DPH6: variants seen among roughly 807,000 people sequenced by gnomAD.
DPH6 encodes diphthine--ammonia ligase.
DPH6 carries 33 observed loss-of-function variants against 38.2 expected under a neutral mutation model. That is an observed-to-expected ratio of 0.86 (90% CI 0.65 to 1.15). DPH6 has a LOEUF of 1.15. Ranked by LOEUF, DPH6 falls within the 50% of genes most tolerant of loss-of-function variation. The probability of loss-of-function intolerance (pLI) is 0.00; values close to 1 mark genes in which losing one functional copy is unlikely to be tolerated. For missense variants in DPH6, 325 were observed against 320.0 expected, an observed-to-expected ratio of 1.02 and a Z score of -0.12; for synonymous variants, 108 against 103.0, an observed-to-expected ratio of 1.05 and a Z score of -0.30.
At chr15:35,209,063 G>A in the DPH6 span, among the ~76,000 whole-genome samples, 2 of 152,056 alleles carry the variant, frequency 1.3e-5, no homozygotes, top group East Asian at 1.9e-4. Flanking sequence ...TACTGTGCAC[G>A]TGGTCTTTTT....
intron 3 of DPH6, among the ~76,000 whole-genome samples, chr15:35,305,810 T>G (rs192132258): frequency 1.3e-5 from 2 of 152,338 alleles, no homozygotes; most frequent in Non-Finnish European, 2.9e-5. Context: ...AAAATTAGCA[T>G]GACATAAATA....
intron 3 of DPH6, among the ~76,000 whole-genome samples, chr15:35,465,619 T>C (rs1336777102): frequency 6.6e-6 from 1 of 152,210 alleles, no homozygotes; most frequent in African/African-American, 2.4e-5. Flanking sequence ...TTCAGGAATC[T>C]AATTAAAATA....
At chr15:35,241,973 T>G (rs1198707589) in intron 3 of DPH6, among the ~76,000 whole-genome samples, 1 of 144,086 alleles carries the variant, frequency 6.9e-6, no homozygotes, top group African/African-American at 2.5e-5. Context: ...CCATATACTC[T>G]CCTATCCTCA....
intron 3 of DPH6, among the ~76,000 whole-genome samples, chr15:35,473,343 T>C (rs1039753894): frequency 1.3e-5 from 2 of 152,138 alleles, no homozygotes; most frequent in Admixed American, 6.5e-5. Context: ...AGAGGCATCA[T>C]TATTAGGAAA....
chr15:35,387,040 A>G (rs2052971239), intron 6 of DPH6, among the ~76,000 whole-genome samples: 1 of 152,228 alleles, frequency 6.6e-6, no homozygotes, highest in Non-Finnish European at 1.5e-5. Context: ...GAAGGGATCC[A>G]GTTTCAGCTT....
chr15:35,287,475 T>A (rs1036106059), intron 3 of DPH6, among the ~76,000 whole-genome samples: 1 of 152,202 alleles, frequency 6.6e-6, no homozygotes, highest in Non-Finnish European at 1.5e-5. Context: ...GATCTACTTG[T>A]AATTGTAGGG....
chr15:35,344,175 A>G, intron 3 of DPH6, among the ~76,000 whole-genome samples: 1 of 152,030 alleles, frequency 6.6e-6, no homozygotes, highest in East Asian at 1.9e-4. Context: ...CTGATGATAA[A>G]GAGAAGCCAG....
At chr15:35,244,850 G>T (rs1018452960) in intron 3 of DPH6, among the ~76,000 whole-genome samples, 1 of 152,108 alleles carries the variant, frequency 6.6e-6, no homozygotes, top group African/African-American at 2.4e-5. Flanking sequence ...CTACGAGCTT[G>T]GTAAGTCAAT....
chr15:35,149,106 A>G, the DPH6 span, among the ~76,000 whole-genome samples: 18 of 152,228 alleles, frequency 1.2e-4, no homozygotes, highest in African/African-American at 4.3e-4. Flanking sequence ...CCTTCAGCCT[A>G]TAACTATCCT....
intron 7 of DPH6, 31 bp downstream of exon 7, chr15:35,381,790 GA>G (rs760536414): frequency 4.1e-5 from 64 of 1,572,364 alleles, no homozygotes; most frequent in Non-Finnish European, 5.2e-5. Flanking sequence ...AAATTTATGG[GA>G]AAAAAAGAAA....
chr15:35,291,944 CACTT>C (rs1489018067), intron 3 of DPH6, among the ~76,000 whole-genome samples: 1 of 152,022 alleles, frequency 6.6e-6, no homozygotes, highest in Non-Finnish European at 1.5e-5. Context: ...TCTCTTTGCT[CACTT>C]AGTTTTTTTC....
At chr15:35,499,697 A>C (rs1034036181) in intron 3 of DPH6, among the ~76,000 whole-genome samples, 1 of 152,236 alleles carries the variant, frequency 6.6e-6, no homozygotes, top group African/African-American at 2.4e-5. Flanking sequence ...TTAAGTATTA[A>C]GGGAAATACT....
intron 3 of DPH6, among the ~76,000 whole-genome samples, chr15:35,352,390 C>A (rs1232204008): frequency 2.0e-5 from 3 of 152,078 alleles, no homozygotes; most frequent in Non-Finnish European, 4.4e-5. Context: ...TTAACTCGAC[C>A]TTTAACATTA....
the DPH6 span, chr15:35,181,724 T>C: frequency 6.6e-6 from 1 of 152,100 alleles, no homozygotes; most frequent in Non-Finnish European, 1.5e-5. Context: ...ATAGTTCACA[T>C]AGAGAGAAAT....
chr15:35,210,835 T>C, the DPH6 span, among the ~76,000 whole-genome samples: 4 of 151,784 alleles, frequency 2.6e-5, no homozygotes, highest in East Asian at 7.8e-4. Context: ...TTTCAGGTCA[T>C]GAAAGCAAGA....
chr15:35,285,229 A>G (rs2051932740), intron 3 of DPH6, among the ~76,000 whole-genome samples: 1 of 152,134 alleles, frequency 6.6e-6, no homozygotes, highest in Non-Finnish European at 1.5e-5. Context: ...TCCAGTACCA[A>G]TAACTTTTCA....
chr15:35,359,446 TTCTC>T (rs2052595093), intron 3 of DPH6, among the ~76,000 whole-genome samples: 1 of 152,176 alleles, frequency 6.6e-6, no homozygotes, highest in Non-Finnish European at 1.5e-5. Flanking sequence ...AGAGATTTGC[TTCTC>T]TCTGTGTAGT....
intron 3 of DPH6, among the ~76,000 whole-genome samples, chr15:35,227,525 AT>A (rs1042450358): frequency 6.6e-6 from 1 of 150,774 alleles, no homozygotes; most frequent in Non-Finnish European, 1.5e-5. Context: ...GGCTCTTCTC[AT>A]TTTTTTTCCT....
At chr15:35,303,281 A>G (rs117866623) in intron 3 of DPH6, among the ~76,000 whole-genome samples, 3,674 of 152,066 alleles carry the variant, frequency 0.024, 57 homozygotes, top group Non-Finnish European at 0.037. Context: ...GATGTTATCT[A>G]TATGTAGTCA....
Sources: allele counts gnomAD v4.1 joint callset (sites outside exome capture counted in the v4.1 genomes callset), GRCh38; gene constraint gnomAD v4.1.1; transcripts MANE v1.5; gene names NCBI Gene and HGNC (gene_info 2026-07-23, HGNC 2026-07-21).